C12orf75: variants seen among roughly 807,000 people sequenced by gnomAD.
C12orf75 encodes the protein overexpressed in colon carcinoma 1 protein.
A neutral mutation model predicts 11.4 loss-of-function variants in C12orf75; 4 were observed. The ratio of observed to expected loss-of-function variants is 0.35; its 90% CI spans 0.17 to 0.80. The LOEUF (loss-of-function observed/expected upper bound fraction) is 0.80, where lower values mean the gene tolerates loss of function less well. C12orf75 is among the 30% of genes least tolerant of loss of function. The pLI is 0.52. For missense variants in C12orf75, 89 were observed against 80.4 expected (o/e 1.11, Z -0.41); for synonymous variants, 30 against 30.0 (o/e 1.00, Z 0.00).
At chr12:105,365,769 A>T (rs1442304077) in intron 2 of C12orf75, 38 bp from the exon 3 acceptor site, 2 of 1,470,940 alleles carry the variant, frequency 1.4e-6, no homozygotes, top group East Asian at 2.5e-5. Flanking sequence ...CCGACTATGT[A>T]ACCAAGTGTC....
intron 2 of C12orf75, among the ~76,000 whole-genome samples, chr12:105,363,642 T>C (rs992641636): frequency 5.3e-5 from 8 of 151,878 alleles, no homozygotes; most frequent in Non-Finnish European, 1.2e-4. Context: ...GGAGAATCAC[T>C]TGAACCAGGG....
At chr12:105,355,042 GA>G (rs909547756) in intron 2 of C12orf75, among the ~76,000 whole-genome samples, 2 of 152,052 alleles carry the variant, frequency 1.3e-5, no homozygotes, top group Middle Eastern at 3.2e-3. Flanking sequence ...ATAGTTCCAG[GA>G]ACTATACTCC....
chr12:105,356,320 A>C (rs1892779736), intron 2 of C12orf75, among the ~76,000 whole-genome samples: 1 of 152,144 alleles, frequency 6.6e-6, no homozygotes, highest in Non-Finnish European at 1.5e-5. Flanking sequence ...GTAACTAGAA[A>C]CAGATCAGGA....
intron 1 of C12orf75, among the ~76,000 whole-genome samples, chr12:105,331,498 T>G (rs1460881057): frequency 6.6e-6 from 1 of 152,034 alleles, no homozygotes; most frequent in Non-Finnish European, 1.5e-5. Context: ...GGGCTGCTCT[T>G]AGGATTTCTC....
At position 105,369,069 on chromosome 12, in the gene C12orf75, A is replaced by C. The variant is rs866122827; in HGVS notation, c.*33+1560A>C. Among the ~76,000 whole-genome samples, 5 of 152,380 alleles carry C rather than the reference A, an allele frequency of 3.3e-5. No homozygotes were observed. In the South Asian group the frequency reaches 1.0e-3, roughly 32 times the overall value. On this transcript the variant is annotated intron_variant, in intron 5 of 5. Transcript: ENST00000443585. ...CCCTCCTGGAAACAGAATGTATTTC[A>C]AAAAGCATAGAAATAGAGTGGAAAG...
intron 2 of C12orf75, among the ~76,000 whole-genome samples, chr12:105,357,773 A>G (rs1363926167): frequency 2.3e-5 from 2 of 85,760 alleles, no homozygotes; most frequent in Admixed American, 2.3e-4. Flanking sequence ...TGCCCAATGT[A>G]TTTTCTGTGT....
chr12:105,336,822 T>C (rs951442338), intron 1 of C12orf75, among the ~76,000 whole-genome samples: 3 of 152,182 alleles, frequency 2.0e-5, no homozygotes, highest in Non-Finnish European at 4.4e-5. Flanking sequence ...ATCAACATAC[T>C]CGACTGTACC....
At chr12:105,370,436 C>G (rs1321224171) in intron 5 of C12orf75, among the ~76,000 whole-genome samples, 198 bp from the exon 6 acceptor site, 2 of 152,220 alleles carry the variant, frequency 1.3e-5, no homozygotes, top group African/African-American at 2.4e-5. Flanking sequence ...TCCTACCCAA[C>G]TTTGCCTCTT....
intron 2 of C12orf75, among the ~76,000 whole-genome samples, chr12:105,362,482 A>C (rs976767892): frequency 6.0e-5 from 9 of 150,496 alleles, no homozygotes; most frequent in Non-Finnish European, 1.3e-4. Context: ...CCTGGCTAAC[A>C]TGGTGAAACC....
At chr12:105,368,249 G>A (rs756112346) in intron 5 of C12orf75, among the ~76,000 whole-genome samples, 1 of 152,154 alleles carries the variant, frequency 6.6e-6, no homozygotes, top group Non-Finnish European at 1.5e-5. Context: ...TCCACCAAGG[G>A]TCCAACAACA....
At chr12:105,369,666 A>AT (rs1310571349) in intron 5 of C12orf75, among the ~76,000 whole-genome samples, 1 of 151,876 alleles carries the variant, frequency 6.6e-6, no homozygotes, top group African/African-American at 2.4e-5. Flanking sequence ...GTGTCCATGT[A>AT]TTCTCATGGT....
intron 2 of C12orf75, among the ~76,000 whole-genome samples, chr12:105,352,242 C>T (rs1338260656): frequency 6.6e-6 from 1 of 152,018 alleles, no homozygotes; most frequent in African/African-American, 2.4e-5. Flanking sequence ...ACATTGGTCA[C>T]CCTGGGGACT....
chr12:105,352,355 T>C (rs1243218345), intron 2 of C12orf75, among the ~76,000 whole-genome samples: 2 of 152,120 alleles, frequency 1.3e-5, no homozygotes, highest in Non-Finnish European at 2.9e-5. Context: ...TTTTATGCTG[T>C]TTGGCGGTAA....
At chr12:105,356,536 C>A (rs1892783852) in intron 2 of C12orf75, among the ~76,000 whole-genome samples, 1 of 133,464 alleles carries the variant, frequency 7.5e-6, no homozygotes, top group South Asian at 2.6e-4. Context: ...AAAAATAAAT[C>A]ATTTCTTTGC....
intron 1 of C12orf75, among the ~76,000 whole-genome samples, chr12:105,340,788 C>A (rs1209850373): frequency 8.6e-5 from 13 of 151,770 alleles, no homozygotes; most frequent in Non-Finnish European, 1.0e-4. Context: ...GGCTCTAAAT[C>A]CAATGAGAAG....
chr12:105,331,068 C>T, intron 1 of C12orf75, 131 bp downstream of exon 1: 1 of 558,340 alleles, frequency 1.8e-6, no homozygotes, highest in Non-Finnish European at 2.6e-6. Context: ...AGGAGCAGAC[C>T]GCCCGTTTCT....
chr12:105,357,079 A>G (rs1892792946), intron 2 of C12orf75, among the ~76,000 whole-genome samples: 1 of 152,222 alleles, frequency 6.6e-6, no homozygotes, highest in African/African-American at 2.4e-5. Flanking sequence ...CCGACCTACA[A>G]GAAGACAGAG....
intron 1 of C12orf75, 128 bp from the exon 2 acceptor site, chr12:105,348,474 T>G: frequency 6.1e-6 from 3 of 490,924 alleles, no homozygotes; most frequent in Non-Finnish European, 3.5e-6. Flanking sequence ...CTCCTTTCTC[T>G]GTTTTTGAAA....
chr12:105,338,626 C>T (rs1209867314), intron 1 of C12orf75, among the ~76,000 whole-genome samples: 1 of 152,178 alleles, frequency 6.6e-6, no homozygotes, highest in East Asian at 1.9e-4. Flanking sequence ...ATGGCACCAG[C>T]ATCTGCTTCT....
Sources: allele counts gnomAD v4.1 joint callset (sites outside exome capture counted in the v4.1 genomes callset), GRCh38; gene constraint gnomAD v4.1.1; transcripts MANE v1.5; gene names NCBI Gene and HGNC (gene_info 2026-07-23, HGNC 2026-07-21).